Variants in PKHD1 observed in about 807,000 individuals in gnomAD.
PKHD1 encodes PKHD1 ciliary IPT domain containing fibrocystin/polyductin, also known as fibrocystin.
Under a neutral mutation model 412.0 loss-of-function variants are expected in PKHD1, and 291 were observed. That is an observed-to-expected ratio of 0.71 (90% CI 0.64 to 0.78). The LOEUF (loss-of-function observed/expected upper bound fraction) is 0.78. Among genes scored for constraint, PKHD1 ranks in the 30% least tolerant of loss-of-function variants. The probability of loss-of-function intolerance (pLI) is 0.00; values close to 1 mark genes in which losing one functional copy is unlikely to be tolerated. For synonymous variants in PKHD1, 1,777 were observed against 1,821.5 expected, an observed-to-expected ratio of 0.98 and a Z score of 0.62; for missense variants, 4,825 against 4,950.7, an observed-to-expected ratio of 0.97 and a Z score of 0.76.
chr6:51,837,463 T>C (rs1263788720), intron 50 of PKHD1, among the ~76,000 whole-genome samples: 2 of 152,116 alleles, frequency 1.3e-5, no homozygotes, highest in Non-Finnish European at 2.9e-5. Context: ...TCCCAGCACT[T>C]TGGGAGGCTG....
intron 35 of PKHD1, among the ~76,000 whole-genome samples, chr6:51,983,624 G>GA (rs1795853240): frequency 1.3e-5 from 2 of 152,210 alleles, no homozygotes; most frequent in South Asian, 4.1e-4. Context: ...AACTCGAAGC[G>GA]GAGGTGAAGA....
At chr6:51,863,640 G>C (rs1774563717) in intron 48 of PKHD1, among the ~76,000 whole-genome samples, 1 of 152,106 alleles carries the variant, frequency 6.6e-6, no homozygotes, top group African/African-American at 2.4e-5. Context: ...CCAGTCAAAT[G>C]ATTGCCCCAG....
intron 54 of PKHD1, among the ~76,000 whole-genome samples, chr6:51,773,408 A>G (rs947264632): frequency 4.3e-4 from 66 of 151,768 alleles, no homozygotes; most frequent in African/African-American, 1.6e-3. Flanking sequence ...TTTTATTGCC[A>G]TTTTCAATCA....
chr6:51,744,188 C>G (rs542352458), intron 60 of PKHD1, among the ~76,000 whole-genome samples, 197 bp downstream of exon 60: 14 of 149,538 alleles, frequency 9.4e-5, no homozygotes, highest in Non-Finnish European at 1.9e-4. Flanking sequence ...ATAGAGGGCA[C>G]AGCAGTAAAG....
At chr6:51,961,036 C>G (rs190366437) in intron 35 of PKHD1, among the ~76,000 whole-genome samples, 230 of 152,028 alleles carry the variant, frequency 1.5e-3, no homozygotes, top group Middle Eastern at 6.8e-3. Context: ...CATGTATAAG[C>G]CACTCTCTCC....
Position 51,791,248 on chromosome 6 carries a change from C to G in PKHD1, c.8428G>C (p.Glu2810Gln). 6.2e-7 allele frequency: 1 copy of G among 1,613,984 alleles called. No homozygotes were observed. The highest frequency in any genetic ancestry group is 8.5e-7 in the Non-Finnish European group (1 of 1,179,892). The change falls in exon 53 of 67, where the codon GAG becomes CAG. Residue 2810 changes from glutamate to glutamine, a missense_variant. Transcript: ENST00000371117. Reference protein sequence around the residue: ...SVACMVIAGGELKVGTLENPL... With the variant: ...SVACMVIAGGQLKVGTLENPL... ...TGCCTTTACTCACCAACTTTCAGCT[C>G]CCCGCCTGCAATGACCATGCATGCC...
chr6:51,712,699 T>C (rs1027438260), intron 60 of PKHD1, among the ~76,000 whole-genome samples: 1 of 152,204 alleles, frequency 6.6e-6, no homozygotes, highest in Non-Finnish European at 1.5e-5. Flanking sequence ...GGCAAAGCAC[T>C]GAGGCCTGAC....
chr6:51,936,665 G>A (rs1787533256), intron 36 of PKHD1, among the ~76,000 whole-genome samples: 1 of 152,190 alleles, frequency 6.6e-6, no homozygotes, highest in Non-Finnish European at 1.5e-5. Flanking sequence ...AAGTTAAACT[G>A]TAAAACTAGT....
intron 60 of PKHD1, among the ~76,000 whole-genome samples, chr6:51,662,403 C>T (rs991143409): frequency 9.2e-5 from 14 of 151,742 alleles, no homozygotes; most frequent in South Asian, 2.1e-4. Flanking sequence ...TATTAGTTTT[C>T]GCAATGTATA....
chr6:51,619,796 A>G (rs1024235524), intron 66 of PKHD1, among the ~76,000 whole-genome samples: 1 of 152,220 alleles, frequency 6.6e-6, no homozygotes, highest in Non-Finnish European at 1.5e-5. Flanking sequence ...GACCATGGTC[A>G]GGCCTTACCA....
chr6:51,890,533 T>C (rs1291711772), intron 43 of PKHD1, among the ~76,000 whole-genome samples: 2 of 151,040 alleles, frequency 1.3e-5, no homozygotes, highest in East Asian at 1.9e-4. Context: ...GAGGTGTGCA[T>C]CTATAGTCAC....
At chr6:52,081,092 T>C (rs1811960851) in intron 4 of PKHD1, among the ~76,000 whole-genome samples, 1 of 152,212 alleles carries the variant, frequency 6.6e-6, no homozygotes, top group South Asian at 2.1e-4. Flanking sequence ...ATCTGATATT[T>C]GTCTTCCAAT....
intron 60 of PKHD1, among the ~76,000 whole-genome samples, chr6:51,692,628 T>C (rs1778312025): frequency 6.6e-6 from 1 of 152,216 alleles, no homozygotes. Context: ...CGTCCATTTT[T>C]TTCCCATTTC....
Position 52,048,598 on chromosome 6 carries a change from T to C in PKHD1, c.2301A>G (p.Thr767=), listed in dbSNP as rs1339350105. Residue 767 remains threonine (T), a synonymous_variant, in exon 23 of 67, where the codon ACA becomes ACG. Coordinates refer to ENST00000371117, the MANE Select transcript of PKHD1 (RefSeq NM_138694.4). ...CCAGGACCAGTCCAGATCCCTCTTC[T>C]GTTCCTTCAGTGGGCACAGAGCTGT... is the stretch of plus-strand genomic sequence containing the variant. ...ITARSVPTEG[T]EEGSGLVLVT... is the part of the protein sequence containing the mutation. 6.2e-7 allele frequency: 1 copy of C among 1,614,098 alleles called. No homozygotes were observed. The highest frequency in any genetic ancestry group is 8.5e-7 in the Non-Finnish European group (1 of 1,179,946).
In PKHD1 at chr6:51,909,365, C is replaced by G. The variant is rs769504472; in HGVS notation, c.6600G>C (p.Gln2200His). 6.2e-7 allele frequency: 1 copy of G among 1,613,450 alleles called. No homozygotes were observed. The highest frequency in any genetic ancestry group is 1.3e-5 in the African/African-American group (1 of 74,876). ...QSFPEEPSQV[Q>H]LKGVQFQVLG... ...AGACTTGAAACTGCACTCCCTTCAA[C>G]TGGACCTGGCTGGGCTCTTCTGGGA... The change falls in exon 40 of 67, where the codon CAG becomes CAC. Residue 2200 changes from glutamine (Q) to histidine (H), a missense_variant. Transcript: ENST00000371117.
intron 35 of PKHD1, among the ~76,000 whole-genome samples, chr6:52,006,645 G>A (rs559384911): frequency 4.6e-5 from 7 of 152,176 alleles, no homozygotes; most frequent in Admixed American, 1.3e-4. Context: ...CCAAAGTGCT[G>A]GGATTACAGG....
intron 49 of PKHD1, 134 bp from the exon 50 acceptor site, chr6:51,848,104 A>G (rs1320055030): frequency 2.9e-6 from 2 of 691,028 alleles, no homozygotes; most frequent in Non-Finnish European, 5.2e-6. Context: ...TACAATTTAG[A>G]CCCAGATTGT....
chr6:51,805,682 A>G (rs6458789), intron 52 of PKHD1, among the ~76,000 whole-genome samples: 90,765 of 151,926 alleles, frequency 0.6, 27,533 homozygotes, highest in East Asian at 0.78. Context: ...GATTTTTGTC[A>G]TGATAATGAA....
intron 51 of PKHD1, among the ~76,000 whole-genome samples, chr6:51,832,629 T>C (rs1033237567): frequency 6.6e-6 from 1 of 151,604 alleles, no homozygotes; most frequent in African/African-American, 2.4e-5. Context: ...AAATATGAAT[T>C]GGAAAGATGG....
Sources: allele counts gnomAD v4.1 joint callset (sites outside exome capture counted in the v4.1 genomes callset), GRCh38; gene constraint gnomAD v4.1.1; transcripts MANE v1.5; gene names NCBI Gene and HGNC (gene_info 2026-07-23, HGNC 2026-07-21).